The following ATXN7 variants were observed in gnomAD, a reference collection of about 807,000 sequenced individuals.
ATXN7 encodes ataxin-7.
ATXN7 carries 12 observed loss-of-function variants against 70.5 expected under a neutral mutation model. That is an observed-to-expected ratio of 0.17 (90% CI 0.11 to 0.28). The LOEUF (loss-of-function observed/expected upper bound fraction) is 0.28. ATXN7 is among the 10% of genes least tolerant of loss of function. The pLI is 1.00. For synonymous variants in ATXN7, 498 were observed against 448.7 expected, an observed-to-expected ratio of 1.11 and a Z score of -1.39; for missense variants, 1,256 against 1,131.7, an observed-to-expected ratio of 1.11 and a Z score of -1.58.
chr3:63,863,708 G>A, upstream of ATXN7: 1 of 1,245,020 alleles, frequency 8.0e-7, no homozygotes, highest in Non-Finnish European at 1.0e-6. Flanking sequence ...CGGGAGGCCA[G>A]GGGTCTCAGG....
chr3:63,965,329 G>T (rs1405208158), intron 5 of ATXN7, among the ~76,000 whole-genome samples: 1 of 152,112 alleles, frequency 6.6e-6, no homozygotes, highest in East Asian at 1.9e-4. Context: ...TGAGTCTCTT[G>T]CCCACGGCTG....
intron 4 of ATXN7, among the ~76,000 whole-genome samples, chr3:63,950,955 A>G (rs1425375102): frequency 6.6e-6 from 1 of 152,178 alleles, no homozygotes; most frequent in African/African-American, 2.4e-5. Flanking sequence ...TTCAAGAGGT[A>G]AGAAATCCAA....
chr3:63,989,042 C>T (rs1367141627), intron 9 of ATXN7, among the ~76,000 whole-genome samples: 2 of 152,188 alleles, frequency 1.3e-5, no homozygotes, highest in African/African-American at 2.4e-5. Flanking sequence ...TGCCAGTCCT[C>T]GGCTGCTATT....
chr3:63,911,279 A>T (rs1704004662), intron 2 of ATXN7, among the ~76,000 whole-genome samples: 1 of 152,214 alleles, frequency 6.6e-6, no homozygotes, highest in African/African-American at 2.4e-5. Context: ...TTAATGCTTT[A>T]GGTCATTAAG....
chr3:63,993,762 C>T (rs1305172094), intron 11 of ATXN7, among the ~76,000 whole-genome samples: 1 of 152,188 alleles, frequency 6.6e-6, no homozygotes, highest in African/African-American at 2.4e-5. Flanking sequence ...TGGTTCCAGG[C>T]AGCCTGGTCT....
intron 1 of ATXN7, among the ~76,000 whole-genome samples, chr3:63,893,991 T>C (rs1465246771): frequency 6.6e-6 from 1 of 152,234 alleles, no homozygotes; most frequent in African/African-American, 2.4e-5. Flanking sequence ...GCAGTTTATA[T>C]ATAACTTGGT....
chr3:63,982,201 G>A lies in ATXN7; in HGVS notation c.768G>A (p.Val256=), dbSNP rs1481708830. The A allele has an allele frequency of 2.5e-6, 4 of 1,614,098 alleles. No homozygotes were observed. The South Asian group carries it at 4.4e-5, about 18-fold the overall frequency. ...CCTGTGACAGCATGACACCCTCTGT[G>A]AAAGTGGAAAAGATTCATCCGAAAA... The part of the protein sequence containing the change: ...VPHGRIMTPS[V]KVEKIHPKMD... Residue 256 remains valine (V), a synonymous_variant, in exon 7 of 13, where the codon GTG becomes GTA. Coordinates refer to ENST00000674280, the MANE Select transcript of ATXN7 (RefSeq NM_001377405.1).
At chr3:63,963,893 A>G (rs1274127189) in intron 5 of ATXN7, among the ~76,000 whole-genome samples, 3 of 152,136 alleles carry the variant, frequency 2.0e-5, no homozygotes, top group Non-Finnish European at 4.4e-5. Flanking sequence ...CTGGGTCACA[A>G]AAGACTAGTT....
chr3:63,940,390 C>T (rs551260203), intron 4 of ATXN7, among the ~76,000 whole-genome samples: 1 of 151,486 alleles, frequency 6.6e-6, no homozygotes, highest in African/African-American at 2.4e-5. Context: ...CATTTAAAAA[C>T]GTAAAGACAG....
chr3:63,954,228 G>A (rs948071630), intron 5 of ATXN7, among the ~76,000 whole-genome samples: 2 of 152,304 alleles, frequency 1.3e-5, no homozygotes, highest in Middle Eastern at 3.4e-3. Context: ...CACTAAAGAT[G>A]GGAGGTGTTT....
At position 63,996,081 on chromosome 3, in the gene ATXN7, C is replaced by A; in HGVS notation, c.2259C>A (p.Ser753=). The A allele has an allele frequency of 6.2e-7, 1 of 1,614,210 alleles. No individual in the cohort carries two copies. Among genetic ancestry groups the A allele is most frequent in the African/African-American group, 1.3e-5 (1 of 75,042 alleles). Residue 753 remains serine (S), a synonymous_variant, in exon 12 of 13, where the codon TCC becomes TCA. Transcript: ENST00000674280. Reference sequence around the variant, plus strand: ...CCTACCCCTCAACGGTAACATCTTCCCATAGCATCGGCCTCAACTGTGTGA... The same window carrying A: ...CCTACCCCTCAACGGTAACATCTTCACATAGCATCGGCCTCAACTGTGTGA... ...GPPYPSTVTS[S]HSIGLNCVTN...
chr3:63,987,915 T>A (rs1657671937), intron 8 of ATXN7, 144 bp from the exon 9 acceptor site: 2 of 990,790 alleles, frequency 2.0e-6, no homozygotes, highest in Admixed American at 2.8e-5. Flanking sequence ...GCTCTTAAGG[T>A]TTTTAGCTTA....
At position 64,000,700 on chromosome 3, in the gene ATXN7, G is replaced by A. The variant is rs1228408128; in HGVS notation, c.*1233G>A. On this transcript the variant is annotated 3_prime_UTR_variant, in exon 13 of 13. Transcript: ENST00000674280. ...TCCTGACCTGAAGGTCTTTTGTGAT[G>A]CATGTATAGGATTGCCCTGACACAC... 6.6e-6 allele frequency: 1 copy of A among 152,090 alleles called. No individual in the cohort carries two copies. The highest frequency in any genetic ancestry group is 1.5e-5 in the Non-Finnish European group (1 of 68,044). The allele number at this position is 152,090 out of a possible 1,614,324, so 9.4% of individuals were successfully genotyped here. A position where few individuals can be genotyped will look rare whatever the true frequency, so the allele number is the denominator to read the frequency against.
chr3:63,930,861 A>G (rs1444785562), intron 4 of ATXN7, among the ~76,000 whole-genome samples: 1 of 152,072 alleles, frequency 6.6e-6, no homozygotes, highest in Admixed American at 6.6e-5. Context: ...ATTCGAATGT[A>G]TCTGTACTGC....
chr3:63,886,104 C>A (rs1253043175), intron 1 of ATXN7, among the ~76,000 whole-genome samples: 1 of 152,140 alleles, frequency 6.6e-6, no homozygotes, highest in Admixed American at 6.5e-5. Context: ...TCATTTTTGA[C>A]AACATGGGTG....
At position 63,995,959 on chromosome 3, in the gene ATXN7, C is replaced by T. The variant is rs3733125; in HGVS notation, c.2137C>T (p.Leu713=). 161,479 of 1,614,036 alleles carry T rather than the reference C, an allele frequency of 0.1. 9,077 individuals are homozygous for T. The highest frequency in any genetic ancestry group is 0.23 in the East Asian group (10,305 of 44,858). ...SGKKRKNSSP[L]LVHSSSSSSS... ...AAAGAAACGCAAAAACAGTTCCCCA[C>T]TGTTGGTTCACTCTTCCTCCTCCTC... The change falls in exon 12 of 13, where the codon CTG becomes TTG. Residue 713 remains leucine, a synonymous_variant. Coordinates refer to ENST00000674280, the MANE Select transcript of ATXN7 (RefSeq NM_001377405.1).
chr3:63,903,328 A>G (rs1181683322), intron 2 of ATXN7, among the ~76,000 whole-genome samples: 3 of 144,202 alleles, frequency 2.1e-5, no homozygotes, highest in African/African-American at 7.6e-5. Flanking sequence ...TGGAGCTTGC[A>G]GTGAGCCAAG....
chr3:63,863,898 G>C lies in ATXN7; in HGVS notation c.-371G>C, dbSNP rs1249263774. The C allele has an allele frequency of 1.5e-5, 17 of 1,120,140 alleles. No individual in the cohort carries two copies. In the Admixed American group the frequency reaches 7.1e-4, roughly 47 times the overall value. The allele number at this position is 1,120,140 out of a possible 1,614,324, so 69.4% of individuals were successfully genotyped here. On this transcript the variant is annotated 5_prime_UTR_variant, in exon 1 of 13. Transcript: ENST00000674280. ...CAGCCGGGTAAACAGCCATGGAGGA[G>C]GAGGCGGCGGCGCCCGCGGCCGCCT...
At chr3:63,936,830 A>G (rs539348886) in intron 4 of ATXN7, among the ~76,000 whole-genome samples, 1 of 152,254 alleles carries the variant, frequency 6.6e-6, no homozygotes, top group African/African-American at 2.4e-5. Flanking sequence ...CCGTGATTCT[A>G]CTCAGCCCAT....
Sources: gnomAD v4.1 joint callset for allele counts (sites outside exome capture counted in the v4.1 genomes callset) on GRCh38, gnomAD v4.1.1 for gene constraint, MANE v1.5 for transcripts, NCBI Gene and HGNC (gene_info 2026-07-23, HGNC 2026-07-21) for gene names.